FAM199X: variants seen among roughly 807,000 people sequenced by gnomAD.
FAM199X encodes the protein protein FAM199X.
A neutral mutation model predicts 22.9 loss-of-function variants in FAM199X; 4 were observed. The ratio of observed to expected loss-of-function variants is 0.17; its 90% CI spans 0.09 to 0.40. FAM199X has a LOEUF of 0.40. Ranked by LOEUF, FAM199X falls within the 10% of genes least tolerant of loss-of-function variation. The pLI, the probability that FAM199X is intolerant of heterozygous loss-of-function variation, is 1.00. For synonymous variants in FAM199X, 101 were observed against 112.3 expected (o/e 0.90, Z 0.64); for missense variants, 183 against 306.8 (o/e 0.60, Z 3.01).
rs1390568910 is a variant in FAM199X, at chrX:104,194,253, T to A, written c.*4475T>A. 12 of 111,806 alleles carry A rather than the reference T, an allele frequency of 1.1e-4. No individual in the cohort carries two copies. Among genetic ancestry groups the A allele is most frequent in the African/African-American group, 3.9e-4 (12 of 30,893 alleles). 9.2% of individuals were successfully genotyped at this position (111,806 alleles called of 1,213,427 possible). ...TTTTTTTAATTGTCACATTTCTTTGTTACATCTTTGTGTCCAACAAAACCT... is the reference window on the plus strand; with the variant it reads ...TTTTTTTAATTGTCACATTTCTTTGATACATCTTTGTGTCCAACAAAACCT... On this transcript the variant is annotated 3_prime_UTR_variant, in exon 6 of 6. Coordinates refer to ENST00000493442, the MANE Select transcript of FAM199X (RefSeq NM_207318.4).
Position 104,186,595 on chromosome X carries a change from T to C in FAM199X, c.703T>C (p.Cys235Arg). Residue 235 changes from cysteine (C) to arginine (R), a missense_variant, in exon 4 of 6, where the codon TGT becomes CGT. By Grantham distance (180) the Cys-to-Arg change is radical. Around this residue, in one of 2 missense-constraint regions of FAM199X, gnomAD observed 128 missense variants for 246.2 expected, o/e 0.52. Transcript: ENST00000493442. ...TDSEFIIELN[C>R]LTDEKLKQVR... ...CAGTGAGTTTATTATTGAACTTAAC[T>C]GTCTCACAGATGAAAAACTGAAGCA... 1 of 1,206,558 alleles carries C rather than the reference T, an allele frequency of 8.3e-7. No individual in the cohort carries two copies. The highest frequency in any genetic ancestry group is 1.8e-5 in the South Asian group (1 of 55,362).
At chrX:104,185,144 C>T (rs982304470) in intron 2 of FAM199X, among the ~76,000 whole-genome samples, 1 of 104,452 alleles carries the variant, frequency 9.6e-6, no homozygotes, top group Non-Finnish European at 1.9e-5. Context: ...TAGGCTCAAG[C>T]AGTCCTCCTG....
Position 104,192,690 on chromosome X carries a change from A to G in FAM199X, c.*2912A>G, listed in dbSNP as rs1430249982. Reference sequence around the variant, plus strand: ...TCATTCTCTCCCAACAAGAACTTAGAATAAAATAACACTTTTTTTTCATGA... The same window carrying G: ...TCATTCTCTCCCAACAAGAACTTAGGATAAAATAACACTTTTTTTTCATGA... On this transcript the variant is annotated 3_prime_UTR_variant, in exon 6 of 6. Coordinates refer to ENST00000493442, the MANE Select transcript of FAM199X (RefSeq NM_207318.4). 3 of 111,762 alleles carry G rather than the reference A, an allele frequency of 2.7e-5. No homozygotes were observed. Among genetic ancestry groups the G allele is most frequent in the Non-Finnish European group, 3.8e-5 (2 of 52,954 alleles). The allele number at this position is 111,762 out of a possible 1,213,427, so 9.2% of individuals were successfully genotyped here.
intron 4 of FAM199X, among the ~76,000 whole-genome samples, chrX:104,187,697 C>CT (rs1170135235): frequency 9.0e-6 from 1 of 111,666 alleles, no homozygotes; most frequent in Non-Finnish European, 1.9e-5. Flanking sequence ...TAAGTGGAGA[C>CT]TTTTAACAAA....
At chrX:104,166,356 G>A (rs1182811632), upstream of FAM199X, among the ~76,000 whole-genome samples, 1 of 112,642 alleles carries the variant, frequency 8.9e-6, no homozygotes, top group Admixed American at 9.2e-5. Flanking sequence ...GGGCCGCGGC[G>A]GGCGGAGGTT....
In FAM199X at chrX:104,185,233, C is replaced by T. The variant is rs190861312; in HGVS notation, c.418-833C>T. ...TAATTTATTTTAATTGTCTTGAGGT[C>T]ACTAATACAGACTTGAGGTCAAAGA... On this transcript the variant is annotated intron_variant, in intron 2 of 5. Coordinates refer to ENST00000493442, the MANE Select transcript of FAM199X (RefSeq NM_207318.4). Among the ~76,000 whole-genome samples, 521 of 109,691 alleles carry T rather than the reference C, an allele frequency of 4.7e-3. 4 individuals carry two copies. The highest frequency in any genetic ancestry group is 0.016 in the African/African-American group (485 of 30,073).
upstream of FAM199X, among the ~76,000 whole-genome samples, chrX:104,166,158 G>T (rs140064956): frequency 7.3e-3 from 818 of 112,773 alleles, 9 homozygotes; most frequent in African/African-American, 0.025. Flanking sequence ...CTGGGAACCA[G>T]GGCATCTGGA....
At chrX:104,181,787 A>G (rs1055543794) in intron 2 of FAM199X, among the ~76,000 whole-genome samples, 3 of 110,697 alleles carry the variant, frequency 2.7e-5, no homozygotes, top group Non-Finnish European at 5.7e-5. Flanking sequence ...TATATGTAAA[A>G]TGAGGATGTT....
At chrX:104,172,016 G>A (rs1269027100) in intron 1 of FAM199X, among the ~76,000 whole-genome samples, 2 of 111,331 alleles carry the variant, frequency 1.8e-5, no homozygotes, top group Admixed American at 9.6e-5. Context: ...TGTCAACTTA[G>A]ACTGTCACTG....
chrX:104,179,797 TA>T lies in FAM199X; in HGVS notation c.417+3957del, dbSNP rs782484899. ...TTAAGGAATTTTGCATCTATATTCA[TA>T]AGGGATATTGGTCTGCAGTTTTCGT... On this transcript the variant is annotated intron_variant, in intron 2 of 5. Transcript: ENST00000493442. Among the ~76,000 whole-genome samples, 3 of 110,779 alleles carry T rather than the reference TA, an allele frequency of 2.7e-5. No homozygotes were observed. The South Asian group carries it at 1.2e-3, about 43-fold the overall frequency.
chrX:104,158,616 C>T, the FAM199X span, among the ~76,000 whole-genome samples: 1 of 111,941 alleles, frequency 8.9e-6, no homozygotes. Flanking sequence ...TCCCCTCTGT[C>T]CCAGGTTAAA....
At chrX:104,172,422 A>G (rs782651539) in intron 1 of FAM199X, among the ~76,000 whole-genome samples, 2 of 109,041 alleles carry the variant, frequency 1.8e-5, no homozygotes, top group Non-Finnish European at 3.8e-5. Context: ...CCTGACTCAA[A>G]AAAAAAAAAG....
intron 1 of FAM199X, among the ~76,000 whole-genome samples, chrX:104,172,216 A>G (rs1207861276): frequency 2.9e-5 from 3 of 105,153 alleles, no homozygotes; most frequent in Non-Finnish European, 5.9e-5. Context: ...AGCCCGGACA[A>G]CGTGATGAAA....
intron 5 of FAM199X, among the ~76,000 whole-genome samples, chrX:104,189,155 A>AT (rs1289650902): frequency 1.2e-4 from 11 of 92,828 alleles, no homozygotes; most frequent in African/African-American, 1.4e-4. Flanking sequence ...AAAAGGCATG[A>AT]TTTTTTTTTT....
chrX:104,169,178 A>G (rs1921290997), intron 1 of FAM199X, among the ~76,000 whole-genome samples: 1 of 111,918 alleles, frequency 8.9e-6, no homozygotes, highest in Non-Finnish European at 1.9e-5. Flanking sequence ...GGCAAAGTTT[A>G]GGGAGTTCTT....
At chrX:104,183,078 C>T (rs374533306) in intron 2 of FAM199X, among the ~76,000 whole-genome samples, 1 of 111,138 alleles carries the variant, frequency 9.0e-6, no homozygotes, top group East Asian at 2.8e-4. Flanking sequence ...CCAACAAACG[C>T]ATAAAGAGAA....
intron 3 of FAM199X, 42 bp downstream of exon 3, chrX:104,186,257 G>A (rs1556379114): frequency 8.5e-7 from 1 of 1,178,328 alleles, no homozygotes; most frequent in East Asian, 3.0e-5. Context: ...TTTATGTGGA[G>A]ACTAGGTAAA....
chrX:104,179,402 A>G lies in FAM199X; in HGVS notation c.417+3560A>G, dbSNP rs149902122. On this transcript the variant is annotated intron_variant, in intron 2 of 5. Transcript: ENST00000493442. ...ATATTGTATTCTTTTTGGTGCTGTT[A>G]TAAATAGTATTGTTTTCTTAATTTT... Among the ~76,000 whole-genome samples the G allele has an allele frequency of 7.1e-3, 789 of 111,873 alleles. 8 individuals carry two copies. Among genetic ancestry groups the G allele is most frequent in the African/African-American group, 0.025 (762 of 30,797 alleles).
At position 104,168,897 on chromosome X, in the gene FAM199X, T is replaced by A. The variant is rs1181641426; in HGVS notation, c.197+1915T>A. On this transcript the variant is annotated intron_variant, in intron 1 of 5. Transcript: ENST00000493442. ...TGCTTGCTTTTTTTTTTTTTTTTTTTAACTTCCCTCTCCTACCCTACTTTT... is the reference window on the plus strand; with the variant it reads ...TGCTTGCTTTTTTTTTTTTTTTTTTAAACTTCCCTCTCCTACCCTACTTTT... Among the ~76,000 whole-genome samples the A allele has an allele frequency of 9.0e-5, 8 of 88,692 alleles. No homozygotes were observed. In the East Asian group the frequency reaches 2.6e-3, roughly 29 times the overall value. The allele number at this position is 88,692 out of a possible 115,157, so 77.0% of individuals were successfully genotyped here.
Sources: gnomAD v4.1 joint callset for allele counts (sites outside exome capture counted in the v4.1 genomes callset) on GRCh38, gnomAD v4.1.1 for gene constraint, gnomAD v4.1.1 regional missense constraint, MANE v1.5 for transcripts, NCBI Gene and HGNC (gene_info 2026-07-23, HGNC 2026-07-21) for gene names.